VOPP1: variants seen among roughly 807,000 people sequenced by gnomAD.
VOPP1 encodes WW domain binding protein VOPP1.
VOPP1 carries 8 observed loss-of-function variants against 23.5 expected under a neutral mutation model. The observed-to-expected ratio is 0.34, with a 90% CI of 0.20 to 0.61. The LOEUF is 0.61. Among genes scored for constraint, VOPP1 ranks in the 20% least tolerant of loss-of-function variants. VOPP1 has a pLI of 0.78. For synonymous variants in VOPP1, 83 were observed against 97.3 expected, an observed-to-expected ratio of 0.85 and a Z score of 0.86; for missense variants, 174 against 238.1, an observed-to-expected ratio of 0.73 and a Z score of 1.77.
rs546506576 is a variant in VOPP1 at position 55,444,137 on chromosome 7, CTTT to C, written n.418-7966_418-7964del. Among the ~76,000 whole-genome samples the C allele has an allele frequency of 5.4e-3, 815 of 152,168 alleles. 4 individuals are homozygous for C. The highest frequency in any genetic ancestry group is 0.02 in the Middle Eastern group (6 of 294). ...CAGCTGCCGTACCCGGCCGTAACTTCTTTATTTTATAATTTATCTACTGTAGTC... is the reference window on the plus strand; with the variant it reads ...CAGCTGCCGTACCCGGCCGTAACTTCATTTTATAATTTATCTACTGTAGTC... On this transcript the variant is annotated intron_variant and non_coding_transcript_variant, in intron 4 of 4. Transcript: ENST00000462326.
chr7:55,468,781 A>G (rs1791701093), downstream of VOPP1, among the ~76,000 whole-genome samples: 1 of 152,212 alleles, frequency 6.6e-6, no homozygotes, highest in African/African-American at 2.4e-5. Context: ...GTGAAGCCCC[A>G]GGGTACCACG....
chr7:55,555,589 T>C (rs1034609078), intron 1 of VOPP1, among the ~76,000 whole-genome samples: 1 of 152,120 alleles, frequency 6.6e-6, no homozygotes, highest in Admixed American at 6.5e-5. Flanking sequence ...GCCATTTGGG[T>C]CCAGGGTATT....
chr7:55,478,619 C>T (rs1235652504), intron 4 of VOPP1, among the ~76,000 whole-genome samples: 1 of 152,214 alleles, frequency 6.6e-6, no homozygotes, highest in Non-Finnish European at 1.5e-5. Flanking sequence ...TAAATGAGAA[C>T]TGACCGGATG....
rs148836102 is a variant in VOPP1 at position 55,479,763 on chromosome 7, C to T, written c.329-6718G>A. Among the ~76,000 whole-genome samples the T allele has an allele frequency of 8.3e-4, 127 of 152,266 alleles. 3 individuals carry two copies. The East Asian group carries it at 0.022, about 26-fold the overall frequency. ...CAACAATTATTTATGCAACATCTCC[C>T]GTTCAAAAGGCATAGCTGGTAACAT... On this transcript the variant is annotated intron_variant, in intron 4 of 4. Coordinates refer to ENST00000285279, the MANE Select transcript of VOPP1 (RefSeq NM_030796.5).
chr7:55,452,668 A>ATG (rs1411090616), intron 4 of VOPP1, among the ~76,000 whole-genome samples: 1 of 152,232 alleles, frequency 6.6e-6, no homozygotes, highest in East Asian at 1.9e-4. Flanking sequence ...ATAATCTTCT[A>ATG]TGTCTCCATC....
chr7:55,501,057 T>C (rs1794331910), intron 2 of VOPP1, among the ~76,000 whole-genome samples: 1 of 152,046 alleles, frequency 6.6e-6, no homozygotes, highest in African/African-American at 2.4e-5. Context: ...TGACAGGAGG[T>C]CCCTGAGACA....
intron 4 of VOPP1, among the ~76,000 whole-genome samples, chr7:55,449,134 T>C (rs1420235405): frequency 6.6e-6 from 1 of 152,200 alleles, no homozygotes; most frequent in Non-Finnish European, 1.5e-5. Context: ...AATAAAGGCA[T>C]GGGTTTGGTT....
intron 1 of VOPP1, among the ~76,000 whole-genome samples, chr7:55,542,574 G>C (rs1250606140): frequency 6.6e-6 from 1 of 152,142 alleles, no homozygotes; most frequent in Non-Finnish European, 1.5e-5. Flanking sequence ...CAGATCACTT[G>C]AGGTCAGGAG....
intron 2 of VOPP1, among the ~76,000 whole-genome samples, chr7:55,503,748 G>A (rs577402311): frequency 5.3e-5 from 8 of 152,312 alleles, no homozygotes; most frequent in South Asian, 4.1e-4. Flanking sequence ...TCCCCACCAC[G>A]TGAGGATGGA....
intron 4 of VOPP1, among the ~76,000 whole-genome samples, chr7:55,485,028 A>G (rs749543604): frequency 1.3e-5 from 2 of 152,246 alleles, no homozygotes; most frequent in Non-Finnish European, 2.9e-5. Flanking sequence ...ATTACTGGAA[A>G]CATTTTAAAA....
At chr7:55,451,758 T>C (rs1252996433) in intron 4 of VOPP1, among the ~76,000 whole-genome samples, 1 of 152,230 alleles carries the variant, frequency 6.6e-6, no homozygotes, top group East Asian at 1.9e-4. Flanking sequence ...GCCGCTGCAC[T>C]CCAGCCTGGG....
chr7:55,440,348 T>C (rs1790932783), intron 4 of VOPP1, among the ~76,000 whole-genome samples: 1 of 152,134 alleles, frequency 6.6e-6, no homozygotes, highest in Non-Finnish European at 1.5e-5. Context: ...CTGAGCAGGC[T>C]CCCAGCCACC....
At chr7:55,569,476 G>A (rs780594064) in intron 1 of VOPP1, among the ~76,000 whole-genome samples, 3 of 152,174 alleles carry the variant, frequency 2.0e-5, no homozygotes, top group Admixed American at 1.3e-4. Flanking sequence ...GTGCGCAGAC[G>A]GCAGAGGAAG....
intron 4 of VOPP1, among the ~76,000 whole-genome samples, chr7:55,449,867 A>T (rs1408847624): frequency 1.3e-5 from 2 of 152,146 alleles, no homozygotes; most frequent in Non-Finnish European, 2.9e-5. Context: ...GGCATCAGGG[A>T]TGTCACTGGT....
intron 4 of VOPP1, among the ~76,000 whole-genome samples, chr7:55,459,549 CCA>C (rs1002933817): frequency 6.6e-6 from 1 of 152,138 alleles, no homozygotes; most frequent in African/African-American, 2.4e-5. Flanking sequence ...AATCTCATTA[CCA>C]GTTATTGGTC....
At chr7:55,443,358 AC>A (rs1351133164) in intron 4 of VOPP1, among the ~76,000 whole-genome samples, 1 of 151,244 alleles carries the variant, frequency 6.6e-6, no homozygotes, top group Non-Finnish European at 1.5e-5. Context: ...ATTGAGACCA[AC>A]CTGGCTAACA....
chr7:55,450,162 T>C (rs779591188), intron 4 of VOPP1, among the ~76,000 whole-genome samples: 13 of 152,100 alleles, frequency 8.5e-5, no homozygotes, highest in Non-Finnish European at 8.8e-5. Context: ...CCCTTGGGAG[T>C]TGGAGTCACC....
Position 55,517,196 on chromosome 7 carries a change from G to A in VOPP1, c.113+3876C>T, listed in dbSNP as rs186361201. Among the ~76,000 whole-genome samples, 716 of 151,364 alleles carry A rather than the reference G, an allele frequency of 4.7e-3. 6 individuals are homozygous for A. The highest frequency in any genetic ancestry group is 5.6e-3 in the Non-Finnish European group (383 of 67,832). Reference sequence around the variant, plus strand: ...ACTCCTGAGCTCAGGAGATCAGCCCGACTCGGCCTCCCAGAGTGCTGGGAT... The same window carrying A: ...ACTCCTGAGCTCAGGAGATCAGCCCAACTCGGCCTCCCAGAGTGCTGGGAT... On this transcript the variant is annotated intron_variant, in intron 2 of 4. Transcript: ENST00000285279.
intron 1 of VOPP1, among the ~76,000 whole-genome samples, chr7:55,533,734 G>A (rs1337742707): frequency 1.3e-5 from 2 of 152,170 alleles, no homozygotes; most frequent in Admixed American, 6.5e-5. Context: ...ACAGCACTCA[G>A]GTTAATCCTA....
Sources: gnomAD v4.1 joint callset for allele counts (sites outside exome capture counted in the v4.1 genomes callset) on GRCh38, gnomAD v4.1.1 for gene constraint, MANE v1.5 for transcripts, NCBI Gene and HGNC (gene_info 2026-07-23, HGNC 2026-07-21) for gene names.